POLA2: variants seen among roughly 807,000 people sequenced by gnomAD.
POLA2 encodes the protein DNA polymerase alpha 2, accessory subunit.
A neutral mutation model predicts 82.8 loss-of-function variants in POLA2; 47 were observed. The ratio of observed to expected loss-of-function variants is 0.57; its 90% CI spans 0.45 to 0.72. The LOEUF (loss-of-function observed/expected upper bound fraction) is 0.72. Ranked by LOEUF, POLA2 falls within the 30% of genes least tolerant of loss-of-function variation. The probability of loss-of-function intolerance (pLI) is 0.00; values close to 1 mark genes in which losing one functional copy is unlikely to be tolerated. For missense variants in POLA2, 634 were observed against 728.1 expected (o/e 0.87, Z 1.49); for synonymous variants, 287 against 286.8 (o/e 1.00, Z -0.01).
intron 10 of POLA2, among the ~76,000 whole-genome samples, chr11:65,285,597 GAA>G (rs886688600): frequency 1.3e-5 from 2 of 149,038 alleles, no homozygotes; most frequent in Non-Finnish European, 3.0e-5. Flanking sequence ...AAAAGAAAAA[GAA>G]AAAAAAGAAA....
At chr11:65,295,711 C>T (rs1293346192) in intron 16 of POLA2, 112 bp downstream of exon 16, 1 of 1,322,438 alleles carries the variant, frequency 7.6e-7, no homozygotes, top group Admixed American at 1.7e-5. Context: ...GAACTTTACC[C>T]TGTGATGACA....
intron 5 of POLA2, among the ~76,000 whole-genome samples, chr11:65,276,499 T>G (rs1949581180): frequency 6.6e-6 from 1 of 152,202 alleles, no homozygotes; most frequent in Non-Finnish European, 1.5e-5. Context: ...TTCTTGTCAC[T>G]GTGACTCTGC....
At chr11:65,271,482 C>G (rs1266705290) in intron 4 of POLA2, among the ~76,000 whole-genome samples, 1 of 152,174 alleles carries the variant, frequency 6.6e-6, no homozygotes, top group Non-Finnish European at 1.5e-5. Flanking sequence ...GAAGTAGATA[C>G]CCTTCCAATG....
downstream of POLA2, chr11:65,298,782 C>T (rs1333640152): frequency 6.6e-6 from 1 of 152,230 alleles, no homozygotes; most frequent in African/African-American, 2.4e-5. Context: ...TTTCCGTTCT[C>T]CCCCAGCTCC....
At chr11:65,298,929 G>A (rs562715828), downstream of POLA2, among the ~76,000 whole-genome samples, 1 of 152,350 alleles carries the variant, frequency 6.6e-6, no homozygotes, top group South Asian at 2.1e-4. Flanking sequence ...TGGGAGGGCC[G>A]GGAGGGCCGG....
At chr11:65,263,913 G>C (rs1302833754) in intron 1 of POLA2, among the ~76,000 whole-genome samples, 1 of 152,116 alleles carries the variant, frequency 6.6e-6, no homozygotes, top group Non-Finnish European at 1.5e-5. Flanking sequence ...AGAGAAATTA[G>C]TTATGTGAAC....
intron 17 of POLA2, chr11:65,296,244 C>T (rs553879805): frequency 1.9e-5 from 8 of 414,718 alleles, no homozygotes; most frequent in East Asian, 4.5e-5. Flanking sequence ...TAGGAAGGCC[C>T]TCAAATGAGG....
At chr11:65,283,019 C>A (rs1027348250) in intron 10 of POLA2, among the ~76,000 whole-genome samples, 11 of 152,058 alleles carry the variant, frequency 7.2e-5, no homozygotes, top group Non-Finnish European at 2.9e-5. Context: ...GTAGTCCTAG[C>A]TAATCAGAGG....
At chr11:65,276,654 A>G (rs1296896054) in intron 5 of POLA2, among the ~76,000 whole-genome samples, 7 of 152,164 alleles carry the variant, frequency 4.6e-5, no homozygotes, top group Admixed American at 1.3e-4. Context: ...ATGGGTTTTT[A>G]GGAGTTTCCA....
rs1190778556 is a variant in POLA2 at position 65,265,646 on chromosome 11, A to G, written c.80-936A>G. Reference sequence around the variant, plus strand: ...AGGCACATGCCACCAAGCCCACCTAATTGTTGTATTTTTTATAGAAACGGT... The same window carrying G: ...AGGCACATGCCACCAAGCCCACCTAGTTGTTGTATTTTTTATAGAAACGGT... On this transcript the variant is annotated intron_variant, in intron 1 of 17. Coordinates refer to ENST00000265465, the MANE Select transcript of POLA2 (RefSeq NM_002689.4). Among the ~76,000 whole-genome samples the G allele has an allele frequency of 1.4e-4, 21 of 151,954 alleles. 1 individual carries two copies. Among genetic ancestry groups the G allele is most frequent in the Admixed American group, 1.4e-3 (21 of 15,242 alleles).
intron 13 of POLA2, 100 bp downstream of exon 13, chr11:65,289,972 G>T (rs897412182): frequency 8.1e-6 from 6 of 745,114 alleles, no homozygotes; most frequent in Non-Finnish European, 1.4e-5. Context: ...GGCAGGGCCA[G>T]GCTCAGTGGA....
chr11:65,279,830 C>G, intron 7 of POLA2: 1 of 530,684 alleles, frequency 1.9e-6, no homozygotes. Flanking sequence ...GATTTTCTTC[C>G]CACTTGGATT....
At position 65,297,444 on chromosome 11, in the gene POLA2, C is replaced by T; in HGVS notation, c.*175C>T. The T allele has an allele frequency of 1.6e-6, 1 of 625,456 alleles. No individual in the cohort carries two copies. Among genetic ancestry groups the T allele is most frequent in the Non-Finnish European group, 2.5e-6 (1 of 399,376 alleles). 38.7% of individuals were successfully genotyped at this position (625,456 alleles called of 1,614,324 possible). ...GGGAGGACTTGTGCAGCCGGGCCTG[C>T]CTCTGAGTGGTGCCTCTCCTGGAAG... On this transcript the variant is annotated 3_prime_UTR_variant, in exon 18 of 18. Transcript: ENST00000265465.
chr11:65,296,831 C>A (rs1949815451), intron 17 of POLA2, among the ~76,000 whole-genome samples: 1 of 151,848 alleles, frequency 6.6e-6, no homozygotes, highest in Admixed American at 6.6e-5. Context: ...TGCCTGTAAT[C>A]CAAGCTACCT....
At chr11:65,267,238 T>A (rs1949471242) in intron 2 of POLA2, among the ~76,000 whole-genome samples, 1 of 152,196 alleles carries the variant, frequency 6.6e-6, no homozygotes, top group East Asian at 1.9e-4. Context: ...CATAAAGCAC[T>A]TAAAACTATG....
rs1949791354 is a variant in POLA2, at chr11:65,294,658, A to G, written c.1460+6A>G. ...GGGGCCGAGGAGATCAGTAGGTAAG[A>G]AGTGTGTTCCAGGCCCCAAGCAGGA... On this transcript the variant is annotated splice_donor_region_variant and intron_variant, in intron 15 of 17. Transcript: ENST00000265465. The G allele has an allele frequency of 5.6e-6, 9 of 1,598,902 alleles. No individual in the cohort carries two copies. Among genetic ancestry groups the G allele is most frequent in the Non-Finnish European group, 7.7e-6 (9 of 1,167,050 alleles).
intron 1 of POLA2, among the ~76,000 whole-genome samples, chr11:65,264,085 T>C (rs920988600): frequency 6.6e-6 from 1 of 152,120 alleles, no homozygotes; most frequent in Non-Finnish European, 1.5e-5. Flanking sequence ...TTGTTTTGTT[T>C]TTTGAGATGG....
At chr11:65,305,699 ACAC>A (rs1301458077), downstream of POLA2, 5 of 261,144 alleles carry the variant, frequency 1.9e-5, no homozygotes, top group African/African-American at 1.2e-4. Flanking sequence ...CAATAATAAG[ACAC>A]CACTGCATGT....
chr11:65,281,594 A>G (rs1949641649), intron 8 of POLA2, 76 bp from the exon 9 acceptor site: 1 of 1,069,716 alleles, frequency 9.3e-7, no homozygotes, highest in Admixed American at 1.8e-5. Flanking sequence ...CAATGCTTTT[A>G]ACTGCCTCAA....
Sources: allele counts gnomAD v4.1 joint callset (sites outside exome capture counted in the v4.1 genomes callset), GRCh38; gene constraint gnomAD v4.1.1; transcripts MANE v1.5; gene names NCBI Gene and HGNC (gene_info 2026-07-23, HGNC 2026-07-21).